Variants in AGL observed in about 807,000 individuals in gnomAD.
AGL encodes the protein amylo-alpha-1,6-glucosidase and 4-alpha-glucanotransferase, also known as glycogen debranching enzyme.
AGL carries 128 observed loss-of-function variants against 199.3 expected under a neutral mutation model. The observed-to-expected ratio is 0.64, with a 90% CI of 0.56 to 0.74. The LOEUF is 0.74. Ranked by LOEUF, AGL falls within the 30% of genes least tolerant of loss-of-function variation. The probability of loss-of-function intolerance (pLI) is 0.00; values close to 1 mark genes in which losing one functional copy is unlikely to be tolerated. For missense variants in AGL, 1,809 were observed against 1,820.8 expected, an observed-to-expected ratio of 0.99 and a Z score of 0.12; for synonymous variants, 584 against 594.7, an observed-to-expected ratio of 0.98 and a Z score of 0.26.
chr1:99,892,346 A>C, intron 23 of AGL, 86 bp from the exon 24 acceptor site: 1 of 1,234,226 alleles, frequency 8.1e-7, no homozygotes, highest in East Asian at 2.4e-5. Context: ...GTATAGAAAA[A>C]TCATTTGAAG....
chr1:99,888,003 G>A lies in AGL; in HGVS notation c.2707G>A (p.Glu903Lys), dbSNP rs2100778885. 2.5e-6 allele frequency: 4 copies of A among 1,613,438 alleles called. No individual in the cohort carries two copies. The highest frequency in any genetic ancestry group is 1.7e-6 in the Non-Finnish European group (2 of 1,179,600). ...ASLASRLTLA[E>K]LNQILYRCES... Reference sequence around the variant, plus strand: ...TCTTGCCTCCAGATTAACTTTGGCTGAGCTAAATCAGATCCTTTACCGATG... The same window carrying A: ...TCTTGCCTCCAGATTAACTTTGGCTAAGCTAAATCAGATCCTTTACCGATG... The change falls in exon 21 of 34, where the codon GAG becomes AAG. Residue 903 changes from glutamate to lysine, a missense_variant. Physicochemically the swap from Glu to Lys is moderately conservative, Grantham distance 56. Transcript: ENST00000361915.
intron 26 of AGL, 141 bp downstream of exon 26, chr1:99,901,002 C>CCAAATGATT (rs1423874148): frequency 1.4e-5 from 11 of 787,148 alleles, no homozygotes; most frequent in Non-Finnish European, 2.2e-5. Flanking sequence ...TTGGCACCTG[C>CCAAATGATT]TGGTACTATA....
intron 26 of AGL, among the ~76,000 whole-genome samples, chr1:99,901,108 G>A (rs1018380457): frequency 1.3e-5 from 2 of 152,004 alleles, no homozygotes; most frequent in Non-Finnish European, 2.9e-5. Flanking sequence ...TAGAGGAAGT[G>A]TTGTGTAGTC....
chr1:99,896,033 A>G (rs1433695143), intron 24 of AGL, among the ~76,000 whole-genome samples: 1 of 152,218 alleles, frequency 6.6e-6, no homozygotes, highest in Non-Finnish European at 1.5e-5. Flanking sequence ...GTATCTCTCT[A>G]TAGCTCTGGT....
chr1:99,891,347 T>A lies in AGL; in HGVS notation c.2940T>A (p.Thr980=). The change falls in exon 22 of 34, where the codon ACT becomes ACA. Residue 980 remains threonine, a synonymous_variant. Coordinates refer to ENST00000361915, the MANE Select transcript of AGL (RefSeq NM_000642.3). Reference sequence around the variant, plus strand: ...ACCGGCTTATTTCACGATCAGGAACTATTGCTGAAGTAAGTAGAGCTATAT... The same window carrying A: ...ACCGGCTTATTTCACGATCAGGAACAATTGCTGAAGTAAGTAGAGCTATAT... ...VSNRLISRSG[T]IAEVGKWLQA... is the part of the protein sequence containing the mutation. 1.2e-6 allele frequency: 2 copies of A among 1,613,640 alleles called. No homozygotes were observed. Among genetic ancestry groups the A allele is most frequent in the Non-Finnish European group, 1.7e-6 (2 of 1,179,682 alleles).
chr1:99,849,475 A>AT (rs1648737335), upstream of AGL, among the ~76,000 whole-genome samples: 1 of 152,148 alleles, frequency 6.6e-6, no homozygotes, highest in African/African-American at 2.4e-5. Context: ...CTGGCCTAAC[A>AT]TAAGTGCAGC....
At chr1:99,919,089 C>G (rs1419851719) in intron 33 of AGL, among the ~76,000 whole-genome samples, 2 of 152,164 alleles carry the variant, frequency 1.3e-5, no homozygotes, top group Non-Finnish European at 2.9e-5. Context: ...TCCTTCCTCT[C>G]TAGTACTCTA....
intron 31 of AGL, among the ~76,000 whole-genome samples, chr1:99,916,031 A>G (rs113396070): frequency 0.01 from 1,576 of 152,242 alleles, 29 homozygotes; most frequent in African/African-American, 0.037. Context: ...CATGTCTTTA[A>G]TTTTTATTAA....
At position 99,877,776 on chromosome 1, in the gene AGL, T is replaced by G; in HGVS notation, c.1559T>G (p.Phe520Cys). Reference sequence around the variant, plus strand: ...TACACTGAAATAACTGCAACTTATTTCCAGGGAGTACGTCTTGATAACTGC... The same window carrying G: ...TACACTGAAATAACTGCAACTTATTGCCAGGGAGTACGTCTTGATAACTGC... ...KKYTEITATY[F>C]QGVRLDNCHS... Residue 520 changes from phenylalanine to cysteine, a missense_variant, in exon 12 of 34, where the codon TTC (phenylalanine) becomes TGC (cysteine). Physicochemically the swap from Phe to Cys is radical, Grantham distance 205 (BLOSUM62 -2). Coordinates refer to ENST00000361915, the MANE Select transcript of AGL (RefSeq NM_000642.3). 6.2e-7 allele frequency: 1 copy of G among 1,614,076 alleles called. No individual in the cohort carries two copies. The highest frequency in any genetic ancestry group is 8.5e-7 in the Non-Finnish European group (1 of 1,179,976).
At chr1:99,869,998 T>C (rs1035971163) in intron 5 of AGL, among the ~76,000 whole-genome samples, 6 of 152,198 alleles carry the variant, frequency 3.9e-5, no homozygotes, top group African/African-American at 1.4e-4. Context: ...GCCAAACTCC[T>C]GATTCTGATT....
Position 99,862,528 on chromosome 1 carries a change from A to G in AGL, c.460+105A>G. ...GTGTATTAGTCCATTCTCTCATTGC[A>G]GTAAAGAACTACCTGAGACTGGGTA... is the stretch of plus-strand genomic sequence containing the variant. On this transcript the variant is annotated intron_variant, in intron 4 of 33. Coordinates refer to ENST00000361915, the MANE Select transcript of AGL (RefSeq NM_000642.3). 3 of 1,212,878 alleles carry G rather than the reference A, an allele frequency of 2.5e-6. No individual in the cohort carries two copies. In the South Asian group the frequency reaches 3.8e-5, roughly 15 times the overall value. The allele number at this position is 1,212,878 out of a possible 1,614,324, so 75.1% of individuals were successfully genotyped here.
rs1389917555 is a variant in AGL, at chr1:99,862,826, G to A, written c.460+403G>A. Among the ~76,000 whole-genome samples the A allele has an allele frequency of 2.0e-5, 3 of 152,052 alleles. No homozygotes were observed. The East Asian group carries it at 5.8e-4, about 29-fold the overall frequency. On this transcript the variant is annotated intron_variant, in intron 4 of 33. Coordinates refer to ENST00000361915, the MANE Select transcript of AGL (RefSeq NM_000642.3). ...TCACCAGGCCCCTCCTCCAACATCG[G>A]GGATTACAATTCGAATGAGATTTGG...
chr1:99,850,835 C>G, intron 1 of AGL, 140 bp from the exon 2 acceptor site: 2 of 596,844 alleles, frequency 3.4e-6, no homozygotes, highest in East Asian at 3.0e-5. Context: ...CTTCTCGAAT[C>G]TTAATAGTTA....
chr1:99,916,310 A>T, intron 31 of AGL, 100 bp from the exon 32 acceptor site: 1 of 946,332 alleles, frequency 1.1e-6, no homozygotes, highest in Non-Finnish European at 1.6e-6. Context: ...AGACAAAATA[A>T]TTGATTATTT....
At chr1:99,863,090 C>T (rs550203464) in intron 4 of AGL, among the ~76,000 whole-genome samples, 4 of 152,046 alleles carry the variant, frequency 2.6e-5, no homozygotes, top group Admixed American at 6.5e-5. Context: ...TAGGCACCTG[C>T]CACCATGCCT....
At chr1:99,896,730 T>C (rs762617614) in intron 25 of AGL, among the ~76,000 whole-genome samples, 11 of 152,220 alleles carry the variant, frequency 7.2e-5, no homozygotes, top group Non-Finnish European at 8.8e-5. Context: ...GAAGTCTTGA[T>C]GTTTCCCTCT....
At chr1:99,890,528 T>A (rs1652797664) in intron 21 of AGL, among the ~76,000 whole-genome samples, 1 of 152,066 alleles carries the variant, frequency 6.6e-6, no homozygotes, top group South Asian at 2.1e-4. Flanking sequence ...AATAGATAAA[T>A]AAATTTAGTC....
chr1:99,861,844 G>A, intron 3 of AGL, 131 bp downstream of exon 3: 1 of 1,057,288 alleles, frequency 9.5e-7, no homozygotes. Flanking sequence ...GATGCAAATA[G>A]AATATTCTTT....
At chr1:99,855,403 C>T (rs937803958) in intron 2 of AGL, among the ~76,000 whole-genome samples, 1 of 152,096 alleles carries the variant, frequency 6.6e-6, no homozygotes, top group African/African-American at 2.4e-5. Flanking sequence ...ACTGATATTT[C>T]TATAGATTCT....
Sources: gnomAD v4.1 joint callset for allele counts (sites outside exome capture counted in the v4.1 genomes callset) on GRCh38, gnomAD v4.1.1 for gene constraint, MANE v1.5 for transcripts, NCBI Gene and HGNC (gene_info 2026-07-23, HGNC 2026-07-21) for gene names.